CCDC91: variants seen among roughly 807,000 people sequenced by gnomAD.
The protein encoded by CCDC91 is coiled-coil domain containing 91, also known as coiled-coil domain-containing protein 91.
Under a neutral mutation model 63.2 loss-of-function variants are expected in CCDC91, and 48 were observed. The ratio of observed to expected loss-of-function variants is 0.76; its 90% CI spans 0.60 to 0.97. The LOEUF (loss-of-function observed/expected upper bound fraction) is 0.97. Ranked by LOEUF, CCDC91 falls within the 50% of genes least tolerant of loss-of-function variation. The pLI is 0.00. For synonymous variants in CCDC91, 167 were observed against 165.8 expected, an observed-to-expected ratio of 1.01 and a Z score of -0.06; for missense variants, 500 against 494.6, an observed-to-expected ratio of 1.01 and a Z score of -0.10.
At chr12:28,210,991 A>G (rs1200532236) in intron 1 of CCDC91, among the ~76,000 whole-genome samples, 1 of 146,220 alleles carries the variant, frequency 6.8e-6, no homozygotes, top group Non-Finnish European at 1.5e-5. Context: ...ATTACTGACC[A>G]GTTTGCTGGG....
chr12:28,429,306 TCTA>T, intron 8 of CCDC91, among the ~76,000 whole-genome samples: 1 of 152,324 alleles, frequency 6.6e-6, no homozygotes, highest in South Asian at 2.1e-4. Flanking sequence ...CAGTATTCTT[TCTA>T]CTTTATATTT....
intron 8 of CCDC91, among the ~76,000 whole-genome samples, chr12:28,431,584 T>C (rs552019188): frequency 6.6e-6 from 1 of 152,226 alleles, no homozygotes; most frequent in African/African-American, 2.4e-5. Context: ...TTTAGATATA[T>C]CTCTTATAAG....
intron 3 of CCDC91, among the ~76,000 whole-genome samples, chr12:28,273,135 C>A (rs956849853): frequency 6.6e-6 from 1 of 151,988 alleles, no homozygotes; most frequent in Non-Finnish European, 1.5e-5. Context: ...TGATGGTTTC[C>A]AGCTTCATCC....
chr12:28,439,590 C>T (rs1413341744), intron 8 of CCDC91, among the ~76,000 whole-genome samples: 1 of 152,062 alleles, frequency 6.6e-6, no homozygotes, highest in Non-Finnish European at 1.5e-5. Flanking sequence ...GAAGTTTATA[C>T]CTGAACATGA....
intron 12 of CCDC91, among the ~76,000 whole-genome samples, chr12:28,515,593 A>G (rs1264520988): frequency 6.6e-6 from 1 of 151,924 alleles, no homozygotes; most frequent in African/African-American, 2.4e-5. Flanking sequence ...GGAGAGTGAT[A>G]AGTGATAATC....
intron 12 of CCDC91, among the ~76,000 whole-genome samples, chr12:28,488,841 AT>A (rs1274603067): frequency 6.6e-6 from 1 of 151,988 alleles, no homozygotes; most frequent in Non-Finnish European, 1.5e-5. Flanking sequence ...ATTGTATTTT[AT>A]TAAAATGTAA....
chr12:28,428,012 A>C (rs770784245), intron 8 of CCDC91, among the ~76,000 whole-genome samples: 58 of 152,156 alleles, frequency 3.8e-4, no homozygotes, highest in Non-Finnish European at 2.1e-4. Flanking sequence ...GACTTTGAAA[A>C]TTATTGGTAC....
At chr12:28,366,672 C>T (rs749818449) in intron 7 of CCDC91, among the ~76,000 whole-genome samples, 4 of 152,006 alleles carry the variant, frequency 2.6e-5, no homozygotes, top group Non-Finnish European at 5.9e-5. Flanking sequence ...CCTAAGCTGG[C>T]GTTGATGAGG....
chr12:28,206,902 G>A (rs1942899030), intron 1 of CCDC91, among the ~76,000 whole-genome samples: 1 of 152,214 alleles, frequency 6.6e-6, no homozygotes, highest in African/African-American at 2.4e-5. Flanking sequence ...TTCCAGGGAA[G>A]TGAAGGCCTC....
intron 8 of CCDC91, among the ~76,000 whole-genome samples, chr12:28,408,996 G>A (rs1399337853): frequency 7.2e-5 from 11 of 152,112 alleles, no homozygotes; most frequent in Admixed American, 7.2e-4. Context: ...AGCATTTTTT[G>A]TAGGGTTTAT....
intron 6 of CCDC91, among the ~76,000 whole-genome samples, chr12:28,323,595 C>T (rs528207142): frequency 1.3e-5 from 2 of 151,964 alleles, no homozygotes; most frequent in African/African-American, 4.8e-5. Context: ...GCCTGTTACT[C>T]TTAACAGTTG....
intron 11 of CCDC91, among the ~76,000 whole-genome samples, chr12:28,453,809 G>A (rs1301428045): frequency 6.6e-6 from 1 of 151,978 alleles, no homozygotes; most frequent in South Asian, 2.1e-4. Context: ...GTTCTTATTC[G>A]GGAGAGTTTA....
At chr12:28,471,658 T>A (rs771874169) in intron 11 of CCDC91, among the ~76,000 whole-genome samples, 1 of 151,890 alleles carries the variant, frequency 6.6e-6, no homozygotes, top group Non-Finnish European at 1.5e-5. Flanking sequence ...TGAGAAGATA[T>A]ATACAACTAG....
chr12:28,250,490 G>A (rs1049108780), intron 1 of CCDC91, among the ~76,000 whole-genome samples: 1 of 151,984 alleles, frequency 6.6e-6, no homozygotes, highest in African/African-American at 2.4e-5. Context: ...AATAATAATT[G>A]GACACTTGAT....
chr12:28,487,307 A>G (rs1393855980), intron 12 of CCDC91, among the ~76,000 whole-genome samples: 3 of 151,870 alleles, frequency 2.0e-5, no homozygotes, highest in South Asian at 4.2e-4. Flanking sequence ...ATGATCTGAA[A>G]TGGAACTAAT....
chr12:28,504,727 G>T (rs1256367684), intron 12 of CCDC91, among the ~76,000 whole-genome samples: 1 of 151,846 alleles, frequency 6.6e-6, no homozygotes, highest in African/African-American at 2.4e-5. Flanking sequence ...CACAAGCTAC[G>T]TATGTAGGCA....
chr12:28,314,555 A>G (rs1939646902), intron 6 of CCDC91, among the ~76,000 whole-genome samples: 1 of 152,036 alleles, frequency 6.6e-6, no homozygotes, highest in Non-Finnish European at 1.5e-5. Flanking sequence ...TTGCGGTCTT[A>G]TGTAGGATTG....
At chr12:28,361,439 A>T (rs1943877826) in intron 6 of CCDC91, among the ~76,000 whole-genome samples, 1 of 151,788 alleles carries the variant, frequency 6.6e-6, no homozygotes, top group African/African-American at 2.4e-5. Flanking sequence ...GAGATTTATC[A>T]TCTTACTACT....
chr12:28,450,295 C>A, intron 9 of CCDC91, 42 bp downstream of exon 9: 1 of 1,577,120 alleles, frequency 6.3e-7, no homozygotes, highest in South Asian at 1.1e-5. Context: ...AGAATGTGTT[C>A]TGTTACCTCA....
Sources: allele counts gnomAD v4.1 joint callset (sites outside exome capture counted in the v4.1 genomes callset), GRCh38; gene constraint gnomAD v4.1.1; transcripts MANE v1.5; gene names NCBI Gene and HGNC (gene_info 2026-07-23, HGNC 2026-07-21).